The following RYR1 variants were observed in gnomAD, a reference collection of about 807,000 sequenced individuals.
RYR1 encodes the protein central core disease of muscle.
RYR1 carries 342 observed loss-of-function variants against 583.5 expected under a neutral mutation model. The observed-to-expected ratio is 0.59, with a 90% CI of 0.54 to 0.64. The LOEUF (loss-of-function observed/expected upper bound fraction) is 0.64, where lower values mean the gene tolerates loss of function less well. RYR1 is among the 30% of genes least tolerant of loss of function. The probability of loss-of-function intolerance (pLI) is 0.00; values close to 1 mark genes in which losing one functional copy is unlikely to be tolerated. For synonymous variants in RYR1, 2,791 were observed against 2,822.5 expected, an observed-to-expected ratio of 0.99 and a Z score of 0.35; for missense variants, 6,032 against 6,917.2, an observed-to-expected ratio of 0.87 and a Z score of 4.54.
chr19:38,527,498 A>G, intron 72 of RYR1, 149 bp from the exon 73 acceptor site: 1 of 1,029,856 alleles, frequency 9.7e-7, no homozygotes. Context: ...TGATGGGGCG[A>G]GGCTCCGTCT....
At chr19:38,562,683 CT>C (rs1973203608) in intron 90 of RYR1, among the ~76,000 whole-genome samples, 1 of 152,124 alleles carries the variant, frequency 6.6e-6, no homozygotes, top group Non-Finnish European at 1.5e-5. Context: ...CTCACGCACA[CT>C]GCATAACTGC....
chr19:38,505,954 C>T lies in RYR1; in HGVS notation c.8541+8C>T, dbSNP rs1308144597. ...ATATCACAAAGTGCCCAGGTGAAGG[C>T]GGGGCCTGGGTGGAGGGCAGGGGCA... is the stretch of plus-strand genomic sequence containing the variant. On this transcript the variant is annotated splice_region_variant and intron_variant, in intron 54 of 105. Coordinates refer to ENST00000359596, the MANE Select transcript of RYR1 (RefSeq NM_000540.3). 12 of 1,586,606 alleles carry T rather than the reference C, an allele frequency of 7.6e-6. No individual in the cohort carries two copies. Among genetic ancestry groups the T allele is most frequent in the Admixed American group, 1.7e-5 (1 of 58,868 alleles).
chr19:38,572,079 G>C lies in RYR1; in HGVS notation c.13807G>C (p.Gly4603Arg), dbSNP rs373231458. 3.7e-6 allele frequency: 6 copies of C among 1,614,184 alleles called. No individual in the cohort carries two copies. In the Admixed American group the frequency reaches 1.0e-4, roughly 27 times the overall value. ...AGGCTCAGCTGCTGGGGATGTGTCA[G>C]GTGCAGGCTCTGGTGGCAGCTCTGG... ...MEGSAAGDVS[G>R]AGSGGSSGWG... Residue 4603 changes from glycine to arginine, a missense_variant, in exon 95 of 106, where the codon GGT (glycine) becomes CGT (arginine). Around this residue, in one of 11 missense-constraint regions of RYR1, gnomAD observed 35 missense variants for 66.0 expected, o/e 0.53. Transcript: ENST00000359596.
At chr19:38,525,623 C>A in intron 71 of RYR1, 121 bp downstream of exon 71, 1 of 1,068,872 alleles carries the variant, frequency 9.4e-7, no homozygotes, top group South Asian at 1.3e-5. Flanking sequence ...GGAGCCTTCC[C>A]TTCAGACCCC....
intron 92 of RYR1, 29 bp downstream of exon 92, chr19:38,567,016 GCC>G: frequency 6.4e-6 from 10 of 1,562,314 alleles, no homozygotes; most frequent in Non-Finnish European, 8.7e-6. Flanking sequence ...GAGGGGCCTA[GCC>G]CCTATCACTG....
At chr19:38,586,454 C>T in intron 104 of RYR1, 71 bp from the exon 105 acceptor site, 1 of 1,481,930 alleles carries the variant, frequency 6.7e-7, no homozygotes, top group South Asian at 1.1e-5. Context: ...GACTTCCTCT[C>T]TACTATAAAT....
At chr19:38,502,430 C>G (rs1380141970) in intron 47 of RYR1, 77 bp from the exon 48 acceptor site, 19 of 1,385,008 alleles carry the variant, frequency 1.4e-5, no homozygotes, top group Non-Finnish European at 1.9e-5. Flanking sequence ...GATCCTTTGG[C>G]CACAGTCGCT....
chr19:38,442,462 C>G lies in RYR1; in HGVS notation c.270+9C>G. The G allele has an allele frequency of 6.2e-7, 1 of 1,607,052 alleles. No homozygotes were observed. The highest frequency in any genetic ancestry group is 8.5e-7 in the Non-Finnish European group (1 of 1,173,922). ...TGGAGGCTGGCGTGGAGGTGAGGAC[C>G]CCACCTGGGGGTGGGCGGGGTGGCA... On this transcript the variant is annotated intron_variant, in intron 3 of 105. Transcript: ENST00000359596.
At position 38,502,871 on chromosome 19, in the gene RYR1, G is replaced by A. The variant is rs1410860089; in HGVS notation, c.7836-9G>A. Reference sequence around the variant, plus strand: ...CGGGGGATTCTACATCTTGTGCATTGTCCCGCAGGTACATCCGCCCGTCGA... The same window carrying A: ...CGGGGGATTCTACATCTTGTGCATTATCCCGCAGGTACATCCGCCCGTCGA... On this transcript the variant is annotated splice_polypyrimidine_tract_variant and intron_variant, in intron 48 of 105. Transcript: ENST00000359596. The A allele has an allele frequency of 1.2e-5, 19 of 1,609,444 alleles. No homozygotes were observed. The East Asian group carries it at 3.1e-4, about 26-fold the overall frequency.
Position 38,506,312 on chromosome 19 carries a change from C to A in RYR1, c.8551C>A (p.Pro2851Thr). The change falls in exon 55 of 106, where the codon CCT (proline) becomes ACT (threonine). Residue 2851 changes from proline (P) to threonine (T), a missense_variant. By Grantham distance (38) the Pro-to-Thr change is conservative. This residue lies in a region of RYR1 where 1,493 missense variants were observed against 1,715.5 expected (regional missense o/e 0.87). Transcript: ENST00000359596. ...CCCCTTGTCCTCTCAGACCTATGAT[C>A]CTCGAGAAGGCTACAACCCTCAGCC... is the stretch of plus-strand genomic sequence containing the variant. ...KISQSAQTYD[P>T]REGYNPQPPD... 1 of 1,613,972 alleles carries A rather than the reference C, an allele frequency of 6.2e-7. No individual in the cohort carries two copies. The highest frequency in any genetic ancestry group is 8.5e-7 in the Non-Finnish European group (1 of 1,179,976).
chr19:38,466,540 TC>T, intron 24 of RYR1, 142 bp downstream of exon 24: 1 of 860,746 alleles, frequency 1.2e-6, no homozygotes, highest in Non-Finnish European at 1.8e-6. Context: ...AGTCTCGCTG[TC>T]CCCAGGCTGG....
intron 84 of RYR1, among the ~76,000 whole-genome samples, chr19:38,541,905 C>CA (rs1469294330): frequency 6.6e-6 from 1 of 150,880 alleles, no homozygotes; most frequent in African/African-American, 2.4e-5. Context: ...CTGGTCTCAA[C>CA]AAAAAAATTA....
intron 2 of RYR1, among the ~76,000 whole-genome samples, chr19:38,441,629 G>A (rs1048641701): frequency 6.6e-6 from 1 of 151,490 alleles, no homozygotes; most frequent in Non-Finnish European, 1.5e-5. Context: ...ACCCGCAGGG[G>A]CCTGACTTGG....
chr19:38,510,695 C>G lies in RYR1; in HGVS notation c.9036C>G (p.Asn3012Lys). 1 of 1,614,152 alleles carries G rather than the reference C, an allele frequency of 6.2e-7. No individual in the cohort carries two copies. The highest frequency in any genetic ancestry group is 1.3e-5 in the African/African-American group (1 of 75,028). Reference sequence around the variant, plus strand: ...CTTTGATCAACCAGTACTTCACCAACCACTGCCTCTATTTCTTGTCCACTC... The same window carrying G: ...CTTTGATCAACCAGTACTTCACCAAGCACTGCCTCTATTTCTTGTCCACTC... ...LLPLINQYFT[N>K]HCLYFLSTPA... Residue 3012 changes from asparagine (N) to lysine (K), a missense_variant, in exon 60 of 106, where the codon AAC becomes AAG. Physicochemically the swap from Asn to Lys is moderately conservative, Grantham distance 94. Coordinates refer to ENST00000359596, the MANE Select transcript of RYR1 (RefSeq NM_000540.3).
chr19:38,457,819 T>C (rs1967498233), intron 17 of RYR1, among the ~76,000 whole-genome samples, 189 bp downstream of exon 17: 1 of 152,136 alleles, frequency 6.6e-6, no homozygotes. Context: ...TCTTCCTGGC[T>C]CCATTTCTGC....
intron 58 of RYR1, among the ~76,000 whole-genome samples, chr19:38,509,001 C>G (rs1400434802): frequency 6.6e-6 from 1 of 152,072 alleles, no homozygotes; most frequent in Non-Finnish European, 1.5e-5. Flanking sequence ...TTACAGGCCA[C>G]TAAGAATTAC....
At position 38,512,395 on chromosome 19, in the gene RYR1, C is replaced by A. The variant is rs943627700; in HGVS notation, c.9384C>A (p.Asn3128Lys). 4 of 1,613,994 alleles carry A rather than the reference C, an allele frequency of 2.5e-6. 1 individual carries two copies. The highest frequency in any genetic ancestry group is 2.2e-5 in the South Asian group (2 of 91,090). The change falls in exon 63 of 106, where the codon AAC becomes AAA. Residue 3128 changes from asparagine to lysine, a missense_variant. Asn to Lys is a moderately conservative substitution (Grantham distance 94). Coordinates refer to ENST00000359596, the MANE Select transcript of RYR1 (RefSeq NM_000540.3). The surrounding 1 kb of genome is among the most constrained non-coding windows in gnomAD (Gnocchi z 5.1). ...CCCAGGTGAAAGGCGTGGGCCAGAA[C>A]CTCACCTACACCACTGTGGCACTGC... The part of the protein sequence containing the change: ...ARTQVKGVGQ[N>K]LTYTTVALLP...
At chr19:38,523,168 A>T in intron 68 of RYR1, 49 bp from the exon 69 acceptor site, 1 of 1,613,794 alleles carries the variant, frequency 6.2e-7, no homozygotes, top group Non-Finnish European at 8.5e-7. Flanking sequence ...CGCAGCCCAC[A>T]GGCGCCTGCC....
Position 38,532,620 on chromosome 19 carries a change from G to A in RYR1, c.11194-51G>A, listed in dbSNP as rs544137432. 1.5e-4 allele frequency: 240 copies of A among 1,613,534 alleles called. No homozygotes were observed. In the Admixed American group the frequency reaches 2.7e-3, roughly 18 times the overall value. The stretch of plus-strand genomic sequence containing the variant: ...GCTTGTCCACAAAAAGGGCTGGGGC[G>A]GGATGGAGGGGTCTGCTTTGTTCAT... On this transcript the variant is annotated intron_variant, in intron 77 of 105. Transcript: ENST00000359596.
Sources: allele counts gnomAD v4.1 joint callset (sites outside exome capture counted in the v4.1 genomes callset), GRCh38; gene constraint gnomAD v4.1.1; regional missense constraint gnomAD v4.1.1; non-coding constraint Gnocchi (gnomAD v3.1); transcripts MANE v1.5; gene names NCBI Gene and HGNC (gene_info 2026-07-23, HGNC 2026-07-21).